Variants in AKT3 observed in about 807,000 individuals in gnomAD.
AKT3 encodes AKT serine/threonine kinase 3, also known as RAC-gamma serine/threonine-protein kinase.
AKT3 carries 15 observed loss-of-function variants against 65.3 expected under a neutral mutation model. The observed-to-expected ratio is 0.23, with a 90% CI of 0.15 to 0.35. The LOEUF is 0.35. AKT3 is among the 10% of genes least tolerant of loss of function. AKT3 has a pLI of 1.00. For missense variants in AKT3, 243 were observed against 576.5 expected, an observed-to-expected ratio of 0.42 and a Z score of 5.92; for synonymous variants, 206 against 183.8, an observed-to-expected ratio of 1.12 and a Z score of -0.98.
chr1:243,522,025 T>C (rs1278158705), intron 12 of AKT3, among the ~76,000 whole-genome samples: 1 of 152,226 alleles, frequency 6.6e-6, no homozygotes, highest in East Asian at 1.9e-4. Context: ...GATTCACCTA[T>C]AAATTACAAC....
chr1:243,509,868 G>C (rs1048148460), intron 13 of AKT3, among the ~76,000 whole-genome samples: 13 of 152,090 alleles, frequency 8.5e-5, no homozygotes, highest in African/African-American at 2.2e-4. Context: ...TTTTCCAGGG[G>C]ACAAAGTGAC....
At chr1:243,732,069 C>T (rs1264972907) in intron 2 of AKT3, among the ~76,000 whole-genome samples, 1 of 152,142 alleles carries the variant, frequency 6.6e-6, no homozygotes, top group African/African-American at 2.4e-5. Context: ...CTTAACAACA[C>T]TACCCACTGA....
At chr1:243,549,500 G>T (rs1226932774) in intron 11 of AKT3, among the ~76,000 whole-genome samples, 9 of 151,988 alleles carry the variant, frequency 5.9e-5, no homozygotes, top group Admixed American at 5.9e-4. Context: ...GTCACCTTGG[G>T]TCACTGCAGT....
intron 8 of AKT3, 113 bp from the exon 9 acceptor site, chr1:243,573,161 C>G: frequency 3.1e-6 from 4 of 1,275,614 alleles, no homozygotes; most frequent in Non-Finnish European, 3.2e-6. Flanking sequence ...ATAGTGTACT[C>G]TCAGTGGACA....
intron 2 of AKT3, among the ~76,000 whole-genome samples, chr1:243,727,284 A>T (rs1173996851): frequency 6.6e-6 from 1 of 152,102 alleles, no homozygotes; most frequent in Non-Finnish European, 1.5e-5. Context: ...ACCAAAAGTA[A>T]GTTAGTTGAT....
intron 2 of AKT3, among the ~76,000 whole-genome samples, chr1:243,820,838 G>T (rs947457043): frequency 1.3e-5 from 2 of 152,122 alleles, no homozygotes; most frequent in Non-Finnish European, 2.9e-5. Context: ...GGGGAAAATG[G>T]AACCAAGTTG....
At chr1:243,690,353 T>C (rs1684609440) in intron 3 of AKT3, among the ~76,000 whole-genome samples, 1 of 152,172 alleles carries the variant, frequency 6.6e-6, no homozygotes, top group African/African-American at 2.4e-5. Context: ...ACAAACTGTT[T>C]TACTCAAAGT....
chr1:243,690,694 GT>G (rs1209993757), intron 3 of AKT3, among the ~76,000 whole-genome samples: 1 of 146,970 alleles, frequency 6.8e-6, no homozygotes, highest in African/African-American at 2.5e-5. Flanking sequence ...CCCAAATCAG[GT>G]CTCATCACCA....
At chr1:243,548,690 A>G (rs975893412) in intron 11 of AKT3, among the ~76,000 whole-genome samples, 7 of 152,240 alleles carry the variant, frequency 4.6e-5, no homozygotes, top group African/African-American at 7.2e-5. Flanking sequence ...AAATTCCTTT[A>G]CTATTAGGAA....
chr1:243,726,137 G>A (rs1687195699), intron 2 of AKT3, among the ~76,000 whole-genome samples: 1 of 152,058 alleles, frequency 6.6e-6, no homozygotes, highest in African/African-American at 2.4e-5. Context: ...TTCTGTTGCT[G>A]GGCATTTTAA....
In AKT3 at chr1:243,533,862, C is replaced by T. The variant is rs369721764; in HGVS notation, c.1251+11648G>A. Among the ~76,000 whole-genome samples, 6 of 152,084 alleles carry T rather than the reference C, an allele frequency of 3.9e-5. No homozygotes were observed. The South Asian group carries it at 8.3e-4, about 21-fold the overall frequency. ...AAAATTAGCCGGGCGTGGTGGTGGGCGCCTGTAGTCCCAGCTACTCGGGAG... is the reference window on the plus strand; with the variant it reads ...AAAATTAGCCGGGCGTGGTGGTGGGTGCCTGTAGTCCCAGCTACTCGGGAG... On this transcript the variant is annotated intron_variant, in intron 12 of 13. Transcript: ENST00000673466.
intron 2 of AKT3, among the ~76,000 whole-genome samples, chr1:243,721,719 T>C (rs550054332): frequency 1.3e-5 from 2 of 152,056 alleles, no homozygotes; most frequent in Non-Finnish European, 2.9e-5. Flanking sequence ...CTGGGAAATT[T>C]ACTATGCCAA....
chr1:243,658,279 A>T (rs1194419949), intron 4 of AKT3, among the ~76,000 whole-genome samples: 1 of 152,356 alleles, frequency 6.6e-6, no homozygotes, highest in South Asian at 2.1e-4. Flanking sequence ...AAACACAAGT[A>T]AAAACTTGGC....
rs539275924 is a variant in AKT3 at position 243,633,767 on chromosome 1, C to T, written c.561+3844G>A. Among the ~76,000 whole-genome samples the T allele has an allele frequency of 1.6e-4, 25 of 151,970 alleles. No individual in the cohort carries two copies. The South Asian group carries it at 1.9e-3, about 11-fold the overall frequency. On this transcript the variant is annotated intron_variant, in intron 6 of 13. Coordinates refer to ENST00000673466, the MANE Select transcript of AKT3 (RefSeq NM_005465.7). ...TATAGAAAATAAATAGCAAAAGGACCGAAGTCAGTCCTTATCACGACTCAC... is the reference window on the plus strand; with the variant it reads ...TATAGAAAATAAATAGCAAAAGGACTGAAGTCAGTCCTTATCACGACTCAC...
chr1:243,654,342 GCTTA>G (rs1681601993), intron 4 of AKT3, among the ~76,000 whole-genome samples: 1 of 152,000 alleles, frequency 6.6e-6, no homozygotes, highest in Non-Finnish European at 1.5e-5. Flanking sequence ...AAAAATCAAT[GCTTA>G]CTTTTATTTA....
At chr1:243,796,694 G>A (rs779352237) in intron 2 of AKT3, among the ~76,000 whole-genome samples, 1 of 151,936 alleles carries the variant, frequency 6.6e-6, no homozygotes, top group Non-Finnish European at 1.5e-5. Flanking sequence ...TGCTTGTAAC[G>A]TTCTTCTTCT....
chr1:243,497,337 T>TCG (rs1259528981), downstream of AKT3, among the ~76,000 whole-genome samples: 3 of 35,362 alleles, frequency 8.5e-5, 1 homozygote, highest in Non-Finnish European at 2.0e-4. Context: ...TAGGCACGGG[T>TCG]GGGGGGGGGG....
intron 9 of AKT3, among the ~76,000 whole-genome samples, chr1:243,564,914 G>A (rs779908476): frequency 1.3e-5 from 2 of 151,426 alleles, no homozygotes; most frequent in Non-Finnish European, 3.0e-5. Flanking sequence ...GGACTCTGAA[G>A]TTAATATCAA....
At chr1:243,842,466 C>T (rs1014421659) in intron 2 of AKT3, among the ~76,000 whole-genome samples, 5 of 152,062 alleles carry the variant, frequency 3.3e-5, no homozygotes, top group Admixed American at 2.0e-4. Context: ...CGCTTTACAT[C>T]GAAGGGTTCT....
Sources: gnomAD v4.1 joint callset for allele counts (sites outside exome capture counted in the v4.1 genomes callset) on GRCh38, gnomAD v4.1.1 for gene constraint, MANE v1.5 for transcripts, NCBI Gene and HGNC (gene_info 2026-07-23, HGNC 2026-07-21) for gene names.